CFAP20DC: variants seen among roughly 807,000 people sequenced by gnomAD.
CFAP20DC encodes the protein CFAP20 domain containing, also known as protein CFAP20DC.
CFAP20DC carries 84 observed loss-of-function variants against 101.7 expected under a neutral mutation model. That is an observed-to-expected ratio of 0.83 (90% CI 0.69 to 0.99). CFAP20DC has a LOEUF of 0.99. CFAP20DC is among the 50% of genes least tolerant of loss of function. The probability of loss-of-function intolerance (pLI) is 0.00; values close to 1 mark genes in which losing one functional copy is unlikely to be tolerated. For synonymous variants in CFAP20DC, 359 were observed against 351.2 expected (o/e 1.02, Z -0.25); for missense variants, 1,007 against 970.3 (o/e 1.04, Z -0.50).
intron 15 of CFAP20DC, among the ~76,000 whole-genome samples, chr3:58,763,872 T>C (rs560495701): frequency 2.0e-5 from 3 of 152,276 alleles, no homozygotes; most frequent in Non-Finnish European, 4.4e-5. Flanking sequence ...GAACAGCAAA[T>C]GTTGCTGCCT....
At chr3:58,730,218 G>A (rs1382943032) in intron 3 of CFAP20DC, among the ~76,000 whole-genome samples, 2 of 152,146 alleles carry the variant, frequency 1.3e-5, no homozygotes, top group African/African-American at 2.4e-5. Context: ...ATTGCTCAGA[G>A]TAGATTTTAA....
intron 7 of CFAP20DC, among the ~76,000 whole-genome samples, chr3:58,884,148 C>A (rs974648296): frequency 6.6e-6 from 1 of 152,128 alleles, no homozygotes; most frequent in African/African-American, 2.4e-5. Context: ...GCTCTCCCTT[C>A]TAGACTGAGG....
At chr3:58,955,723 C>T (rs2090567732) in intron 4 of CFAP20DC, among the ~76,000 whole-genome samples, 1 of 151,892 alleles carries the variant, frequency 6.6e-6, no homozygotes, top group Admixed American at 6.6e-5. Flanking sequence ...CCTCTTGAGA[C>T]ACCAGCTGGA....
In CFAP20DC at chr3:58,807,271, G is replaced by C. The variant is rs188393619; in HGVS notation, c.2176-815C>G. ...ATGGGCAGACTGCCTCCTCAAGTGG[G>C]TCCCTGACCCCTGACCTCCAAGCAG... On this transcript the variant is annotated intron_variant, in intron 14 of 16. Transcript: ENST00000482387. Among the ~76,000 whole-genome samples, 679 of 152,296 alleles carry C rather than the reference G, an allele frequency of 4.5e-3. 7 individuals are homozygous for C. The highest frequency in any genetic ancestry group is 6.9e-3 in the Non-Finnish European group (469 of 68,022).
At chr3:58,840,496 T>C (rs769122455) in intron 13 of CFAP20DC, among the ~76,000 whole-genome samples, 1 of 152,188 alleles carries the variant, frequency 6.6e-6, no homozygotes, top group Non-Finnish European at 1.5e-5. Flanking sequence ...AATATTTTTC[T>C]CTCTTTAGGT....
At position 58,914,371 on chromosome 3, in the gene CFAP20DC, C is replaced by T. The variant is rs1007709415; in HGVS notation, c.394-507G>A. 8.5e-5 allele frequency among the ~76,000 whole-genome samples: 13 copies of T among 152,090 alleles called. No individual in the cohort carries two copies. Among genetic ancestry groups the T allele is most frequent in the Admixed American group, 7.9e-4 (12 of 15,254 alleles). ...ACCTATTGTACGGAAACAGATTCTT[C>T]TAAAGAATTTGTAATTATGCTGGGT... On this transcript the variant is annotated intron_variant, in intron 5 of 16. Coordinates refer to ENST00000482387, the MANE Select transcript of CFAP20DC (RefSeq NM_001394063.1). This position sits in a 1 kb window ranked among gnomAD's most constrained non-coding sequence, Gnocchi z 4.9.
intron 4 of CFAP20DC, among the ~76,000 whole-genome samples, chr3:58,994,326 C>T (rs906422730): frequency 6.6e-6 from 1 of 152,130 alleles, no homozygotes; most frequent in Non-Finnish European, 1.5e-5. Flanking sequence ...TTCTGAGATT[C>T]ATTACAGATG....
At chr3:58,883,572 TTATTA>T (rs2081378462) in intron 7 of CFAP20DC, among the ~76,000 whole-genome samples, 2 of 152,176 alleles carry the variant, frequency 1.3e-5, no homozygotes, top group Non-Finnish European at 1.5e-5. Context: ...ATCTATTTAT[TTATTA>T]TAAGTACTTA....
rs566606476 is a variant in CFAP20DC, at chr3:58,934,257, C to A, written c.393+3391G>T. Among the ~76,000 whole-genome samples the A allele has an allele frequency of 5.6e-4, 86 of 152,244 alleles. 1 individual carries two copies. In the East Asian group the frequency reaches 0.012, roughly 21 times the overall value. ...AATCTCTGAATAGACCAATAACAGG[C>A]TCTGAAATTGTGGCAATAATCAATA... On this transcript the variant is annotated intron_variant, in intron 5 of 16. Transcript: ENST00000482387.
At position 58,869,498 on chromosome 3, in the gene CFAP20DC, G is replaced by A. The variant is rs1007299677; in HGVS notation, c.853-8C>T. The A allele has an allele frequency of 3.1e-6, 5 of 1,590,352 alleles. No homozygotes were observed. The African/African-American group carries it at 5.4e-5, about 17-fold the overall frequency. Reference sequence around the variant, plus strand: ...CCCAACGGATCTCACTGTCTGTAAAGGAATTAATCTGTACATTTTAAAATA... The same window carrying A: ...CCCAACGGATCTCACTGTCTGTAAAAGAATTAATCTGTACATTTTAAAATA... On this transcript the variant is annotated splice_polypyrimidine_tract_variant and splice_region_variant and intron_variant, in intron 8 of 16. Coordinates refer to ENST00000482387, the MANE Select transcript of CFAP20DC (RefSeq NM_001394063.1). This position sits in a 1 kb window ranked among gnomAD's most constrained non-coding sequence, Gnocchi z 4.3.
At chr3:58,945,146 G>C (rs1314625312) in intron 4 of CFAP20DC, among the ~76,000 whole-genome samples, 1 of 152,026 alleles carries the variant, frequency 6.6e-6, no homozygotes, top group East Asian at 1.9e-4. Flanking sequence ...GGAATCTAAA[G>C]CTTAGTTAGT....
At chr3:58,840,753 A>G (rs965062445) in intron 13 of CFAP20DC, among the ~76,000 whole-genome samples, 5 of 152,266 alleles carry the variant, frequency 3.3e-5, no homozygotes, top group East Asian at 1.9e-4. Flanking sequence ...AGAAGAAAGT[A>G]TACTTCAGAT....
intron 12 of CFAP20DC, among the ~76,000 whole-genome samples, chr3:58,849,897 T>C (rs1430921871): frequency 3.9e-5 from 6 of 152,178 alleles, no homozygotes; most frequent in African/African-American, 1.4e-4. Flanking sequence ...TACCTTATTG[T>C]AGGGCAGTTT....
At chr3:58,816,842 C>A (rs1286328836) in intron 14 of CFAP20DC, among the ~76,000 whole-genome samples, 1 of 152,142 alleles carries the variant, frequency 6.6e-6, no homozygotes, top group East Asian at 1.9e-4. Flanking sequence ...GGGCAGGGCA[C>A]AGACAAACAA....
At chr3:58,906,156 T>C (rs965522784) in intron 6 of CFAP20DC, among the ~76,000 whole-genome samples, 2 of 152,126 alleles carry the variant, frequency 1.3e-5, no homozygotes, top group African/African-American at 2.4e-5. Flanking sequence ...CTATAAGTGT[T>C]TAGAACTCTG....
intron 10 of CFAP20DC, among the ~76,000 whole-genome samples, chr3:58,867,292 G>A (rs925632593): frequency 1.3e-4 from 20 of 152,060 alleles, no homozygotes; most frequent in Non-Finnish European, 2.5e-4. Flanking sequence ...TACATGCCTC[G>A]AATCCAATAT....
At chr3:58,884,925 A>AT (rs2081498211) in intron 6 of CFAP20DC, among the ~76,000 whole-genome samples, 1 of 152,208 alleles carries the variant, frequency 6.6e-6, no homozygotes, top group African/African-American at 2.4e-5. Flanking sequence ...GATAAAGCTT[A>AT]CACTATATGG....
At chr3:58,880,743 T>G (rs1179263690) in intron 7 of CFAP20DC, among the ~76,000 whole-genome samples, 1 of 152,154 alleles carries the variant, frequency 6.6e-6, no homozygotes. Context: ...TCAACAGATA[T>G]TATTTCACAC....
chr3:58,850,177 G>GA (rs2078094099), intron 12 of CFAP20DC, among the ~76,000 whole-genome samples: 1 of 152,278 alleles, frequency 6.6e-6, no homozygotes, highest in East Asian at 1.9e-4. Flanking sequence ...TAATGAAAAT[G>GA]AGAAATGTAG....
Sources: allele counts gnomAD v4.1 joint callset (sites outside exome capture counted in the v4.1 genomes callset), GRCh38; gene constraint gnomAD v4.1.1; non-coding constraint Gnocchi (gnomAD v3.1); transcripts MANE v1.5; gene names NCBI Gene and HGNC (gene_info 2026-07-23, HGNC 2026-07-21).